Variants in MBD5 observed in about 807,000 individuals in gnomAD.
MBD5 encodes the protein methyl-CpG-binding domain protein 5.
Under a neutral mutation model 117.3 loss-of-function variants are expected in MBD5, and 13 were observed. That is an observed-to-expected ratio of 0.11 (90% CI 0.07 to 0.18). The LOEUF (loss-of-function observed/expected upper bound fraction) is 0.18. MBD5 is among the 10% of genes least tolerant of loss of function. The pLI is 1.00. For synonymous variants in MBD5, 727 were observed against 766.4 expected, an observed-to-expected ratio of 0.95 and a Z score of 0.85; for missense variants, 1,879 against 2,093.8, an observed-to-expected ratio of 0.90 and a Z score of 2.00.
intron 1 of MBD5, among the ~76,000 whole-genome samples, chr2:148,037,959 A>G (rs1484286696): frequency 3.9e-5 from 6 of 151,988 alleles, no homozygotes; most frequent in Non-Finnish European, 8.8e-5. Context: ...TGCAGATACA[A>G]GTTGAGTTGT....
At chr2:148,364,964 A>G (rs1008284432) in intron 4 of MBD5, among the ~76,000 whole-genome samples, 1 of 152,222 alleles carries the variant, frequency 6.6e-6, no homozygotes, top group African/African-American at 2.4e-5. Context: ...TCAGGACGTG[A>G]ACTCAGCTCT....
At chr2:148,249,929 C>A (rs988063794) in intron 3 of MBD5, among the ~76,000 whole-genome samples, 2 of 152,106 alleles carry the variant, frequency 1.3e-5, no homozygotes, top group Non-Finnish European at 2.9e-5. Flanking sequence ...CCCTCCACAG[C>A]AAAGTATTAT....
chr2:148,119,490 G>A lies in MBD5; in HGVS notation c.-924-59210G>A, dbSNP rs768167505. ...TTCTTGATGGTGTTCTATGCAGTAC[G>A]AAATGTCCTAGTTTTGATGAAGTCA... On this transcript the variant is annotated intron_variant, in intron 1 of 13. Coordinates refer to ENST00000642680, the MANE Select transcript of MBD5 (RefSeq NM_001378120.1). Among the ~76,000 whole-genome samples the A allele has an allele frequency of 5.3e-5, 8 of 152,190 alleles. No individual in the cohort carries two copies. The East Asian group carries it at 9.6e-4, about 18-fold the overall frequency.
At position 148,489,844 on chromosome 2, in the gene MBD5, C is replaced by A; in HGVS notation, c.4212C>A (p.Asp1404Glu). ...GGGCTCGGCTGCCCAAGAATCTAGA[C>A]CATGGGAAAAATGTGAACGAAGGAG... is the stretch of plus-strand genomic sequence containing the variant. ...SRGARLPKNL[D>E]HGKNVNEGDG... The change falls in exon 11 of 14, where the codon GAC (aspartate) becomes GAA (glutamate). Residue 1404 changes from aspartate (D) to glutamate (E), a missense_variant. Physicochemically the swap from Asp to Glu is conservative, Grantham distance 45. Coordinates refer to ENST00000642680, the MANE Select transcript of MBD5 (RefSeq NM_001378120.1). The A allele has an allele frequency of 6.2e-7, 1 of 1,613,920 alleles. No individual in the cohort carries two copies. Among genetic ancestry groups the A allele is most frequent in the Admixed American group, 1.7e-5 (1 of 60,000 alleles).
At chr2:148,079,684 C>T (rs1014166921) in intron 1 of MBD5, among the ~76,000 whole-genome samples, 1 of 151,928 alleles carries the variant, frequency 6.6e-6, no homozygotes, top group African/African-American at 2.4e-5. Flanking sequence ...TGGTGAAACC[C>T]CGTCTCTACT....
At position 148,269,419 on chromosome 2, in the gene MBD5, A is replaced by G. The variant is rs138593884; in HGVS notation, c.-680+36024A>G. Among the ~76,000 whole-genome samples the G allele has an allele frequency of 3.9e-3, 593 of 151,986 alleles. 3 individuals are homozygous for G. Among genetic ancestry groups the G allele is most frequent in the African/African-American group, 0.013 (549 of 41,568 alleles). On this transcript the variant is annotated intron_variant, in intron 3 of 13. Transcript: ENST00000642680. ...TCAATAGAAGTATTAAAGGATACAT[A>G]GGAGATAAACTTTTAAGTCCTTGTA...
chr2:148,477,745 GTCC>G, intron 8 of MBD5, among the ~76,000 whole-genome samples: 1 of 151,998 alleles, frequency 6.6e-6, no homozygotes, highest in African/African-American at 2.4e-5. Flanking sequence ...GATTACCATT[GTCC>G]CTGTTTGCAA....
chr2:148,416,353 C>T (rs1274434357), intron 4 of MBD5, among the ~76,000 whole-genome samples: 1 of 152,118 alleles, frequency 6.6e-6, no homozygotes. Context: ...AAGGTGTACT[C>T]AATCCACTGG....
intron 1 of MBD5, chr2:148,054,448 C>G (rs1010138230): frequency 2.0e-5 from 3 of 152,140 alleles, no homozygotes; most frequent in African/African-American, 7.2e-5. Flanking sequence ...TCTTTTATCA[C>G]AGTAAGTTCT....
At position 148,489,371 on chromosome 2, in the gene MBD5, G is replaced by A. The variant is rs752785237; in HGVS notation, c.3754-15G>A. ...ATTTCCCTTTCTCTCACTGCTTCCT[G>A]TCTATTTCTTCAAGGTGAGAATGCA... On this transcript the variant is annotated splice_polypyrimidine_tract_variant and intron_variant, in intron 10 of 13. Transcript: ENST00000642680. The A allele has an allele frequency of 1.2e-6, 2 of 1,613,780 alleles. No homozygotes were observed. Among genetic ancestry groups the A allele is most frequent in the South Asian group, 1.1e-5 (1 of 91,050 alleles).
At chr2:148,038,447 C>A (rs1166946725) in intron 1 of MBD5, among the ~76,000 whole-genome samples, 1 of 144,780 alleles carries the variant, frequency 6.9e-6, no homozygotes. Flanking sequence ...TATCTTTTTT[C>A]TTTTTTCTCG....
intron 4 of MBD5, among the ~76,000 whole-genome samples, chr2:148,411,376 C>T (rs1311956528): frequency 6.6e-6 from 1 of 152,088 alleles, no homozygotes; most frequent in Admixed American, 6.6e-5. Flanking sequence ...AATGGGATCA[C>T]TGGGTCGAGT....
intron 1 of MBD5, among the ~76,000 whole-genome samples, chr2:148,076,919 A>C (rs1234403): frequency 0.084 from 12,762 of 152,306 alleles, 605 homozygotes; most frequent in South Asian, 0.14. Flanking sequence ...TATTGCCTAC[A>C]GGCCACATCT....
In MBD5 at chr2:148,408,181, C is replaced by A. The variant is rs59769761; in HGVS notation, c.-556-50022C>A. 5.5e-3 allele frequency among the ~76,000 whole-genome samples: 843 copies of A among 152,202 alleles called. 8 individuals carry two copies. The highest frequency in any genetic ancestry group is 0.02 in the African/African-American group (818 of 41,552). ...TACCTTCAATTCGAAATAAAGAAAT[C>A]TTTATATTTTACTCTGCACCTTTGC... is the stretch of plus-strand genomic sequence containing the variant. On this transcript the variant is annotated intron_variant, in intron 4 of 13. Transcript: ENST00000642680.
intron 1 of MBD5, chr2:148,062,376 TAA>T (rs1165462395): frequency 2.0e-5 from 3 of 151,868 alleles, no homozygotes; most frequent in Admixed American, 2.0e-4. Flanking sequence ...AATAAATGTA[TAA>T]AGTTTGTAAT....
chr2:148,407,002 A>G (rs182898563), intron 4 of MBD5, among the ~76,000 whole-genome samples: 2 of 152,264 alleles, frequency 1.3e-5, no homozygotes, highest in Admixed American at 1.3e-4. Context: ...TTTGATCTGT[A>G]TGCACCATTA....
chr2:148,419,213 A>G (rs143561194), intron 4 of MBD5, among the ~76,000 whole-genome samples: 87 of 152,288 alleles, frequency 5.7e-4, no homozygotes, highest in Non-Finnish European at 9.3e-4. Flanking sequence ...ATCTCTTTCC[A>G]TATGCAAAAA....
At chr2:148,231,237 T>C (rs1699978399) in intron 2 of MBD5, among the ~76,000 whole-genome samples, 1 of 152,216 alleles carries the variant, frequency 6.6e-6, no homozygotes, top group South Asian at 2.1e-4. Context: ...ACCACTGGGA[T>C]TGGCGATTCC....
At chr2:148,252,413 A>G (rs1018126852) in intron 3 of MBD5, among the ~76,000 whole-genome samples, 4 of 152,286 alleles carry the variant, frequency 2.6e-5, no homozygotes, top group South Asian at 4.1e-4. Context: ...GCGAACCCAG[A>G]TCATGCCACT....
Sources: gnomAD v4.1 joint callset for allele counts (sites outside exome capture counted in the v4.1 genomes callset) on GRCh38, gnomAD v4.1.1 for gene constraint, MANE v1.5 for transcripts, NCBI Gene and HGNC (gene_info 2026-07-23, HGNC 2026-07-21) for gene names.